Variants in HS3ST3A1 observed in about 807,000 individuals in gnomAD.
The protein encoded by HS3ST3A1 is heparan sulfate glucosamine 3-O-sulfotransferase 3A1.
Under a neutral mutation model 25.7 loss-of-function variants are expected in HS3ST3A1, and 19 were observed. The ratio of observed to expected loss-of-function variants is 0.74; its 90% CI spans 0.52 to 1.08. The LOEUF (loss-of-function observed/expected upper bound fraction) is 1.08. HS3ST3A1 is among the 50% of genes least tolerant of loss of function. The probability of loss-of-function intolerance (pLI) is 0.00; values close to 1 mark genes in which losing one functional copy is unlikely to be tolerated. For missense variants in HS3ST3A1, 459 were observed against 594.3 expected (o/e 0.77, Z 2.37); for synonymous variants, 226 against 278.6 (o/e 0.81, Z 1.88).
intron 1 of HS3ST3A1, among the ~76,000 whole-genome samples, chr17:13,513,188 G>A (rs1012793787): frequency 5.3e-5 from 8 of 152,142 alleles, no homozygotes; most frequent in African/African-American, 1.9e-4. Flanking sequence ...AAAAAGCCTG[G>A]GGCTGTCAGG....
chr17:13,536,410 C>A (rs77809549), intron 1 of HS3ST3A1, among the ~76,000 whole-genome samples: 2 of 152,148 alleles, frequency 1.3e-5, no homozygotes, highest in South Asian at 2.1e-4. Context: ...TATAAGTTTT[C>A]TTTTGCTCTA....
At position 13,496,026 on chromosome 17, in the gene HS3ST3A1, T is replaced by G; in HGVS notation, c.*171A>C. 1 of 755,514 alleles carries G rather than the reference T, an allele frequency of 1.3e-6. No individual in the cohort carries two copies. The highest frequency in any genetic ancestry group is 2.0e-6 in the Non-Finnish European group (1 of 504,458). 46.8% of individuals were successfully genotyped at this position (755,514 alleles called of 1,614,324 possible). On this transcript the variant is annotated 3_prime_UTR_variant, in exon 2 of 2. Transcript: ENST00000284110. ...TTTCCTTTTCTGTTGATCCACGTGT[T>G]TGGTGTTGGTTATACATTAAGATGG...
rs574721336 is a variant in HS3ST3A1 at position 13,526,368 on chromosome 17, C to T, written c.600-29550G>A. On this transcript the variant is annotated intron_variant, in intron 1 of 1. Transcript: ENST00000284110. ...TTTCCGTTACTGACAGTGCTTTTTC[C>T]TTCTTGCTACTATTTCTTTGGCCAT... is the stretch of plus-strand genomic sequence containing the variant. 4.0e-5 allele frequency among the ~76,000 whole-genome samples: 6 copies of T among 150,470 alleles called. No individual in the cohort carries two copies. In the East Asian group the frequency reaches 1.2e-3, roughly 30 times the overall value.
intron 1 of HS3ST3A1, among the ~76,000 whole-genome samples, chr17:13,525,267 A>T (rs1048390733): frequency 1.1e-4 from 16 of 152,156 alleles, no homozygotes; most frequent in African/African-American, 3.1e-4. Flanking sequence ...AACTTTCTTT[A>T]TACCTTAACC....
chr17:13,520,871 C>G (rs1331304115), intron 1 of HS3ST3A1, among the ~76,000 whole-genome samples: 1 of 152,160 alleles, frequency 6.6e-6, no homozygotes, highest in Non-Finnish European at 1.5e-5. Context: ...CTCGACCTCC[C>G]AAAGTGGTGG....
chr17:13,600,466 TCCA>T, intron 1 of HS3ST3A1, 62 bp downstream of exon 1: 1 of 1,479,666 alleles, frequency 6.8e-7, no homozygotes, highest in South Asian at 1.3e-5. Flanking sequence ...CGAGGGCTCC[TCCA>T]CGTCTTTCCC....
intron 1 of HS3ST3A1, among the ~76,000 whole-genome samples, chr17:13,581,903 G>T (rs1038574399): frequency 6.6e-6 from 1 of 152,048 alleles, no homozygotes; most frequent in Non-Finnish European, 1.5e-5. Context: ...CCAGGGGGTC[G>T]CCCTTTAACT....
intron 1 of HS3ST3A1, among the ~76,000 whole-genome samples, chr17:13,519,448 T>A (rs927911333): frequency 7.9e-5 from 12 of 152,290 alleles, no homozygotes; most frequent in Admixed American, 2.6e-4. Context: ...ATAATGATTA[T>A]GTCTATTTTG....
At chr17:13,511,024 G>C (rs1905843313) in intron 1 of HS3ST3A1, among the ~76,000 whole-genome samples, 1 of 152,182 alleles carries the variant, frequency 6.6e-6, no homozygotes, top group Non-Finnish European at 1.5e-5. Flanking sequence ...CTTTGGGAAA[G>C]CCATCCCGGA....
Position 13,506,794 on chromosome 17 carries a change from C to T in HS3ST3A1, c.600-9976G>A, listed in dbSNP as rs146805958. ...TCAGGAGGCCGGGAGCGGTGGCTCA[C>T]GCCTGTAATCCCAGCACTTTGGGAG... On this transcript the variant is annotated intron_variant, in intron 1 of 1. Transcript: ENST00000284110. 5.7e-4 allele frequency among the ~76,000 whole-genome samples: 86 copies of T among 151,972 alleles called. No homozygotes were observed. In the East Asian group the frequency reaches 0.015, roughly 26 times the overall value.
intron 1 of HS3ST3A1, among the ~76,000 whole-genome samples, chr17:13,569,595 C>A (rs1907754008): frequency 6.6e-6 from 1 of 152,176 alleles, no homozygotes; most frequent in Non-Finnish European, 1.5e-5. Context: ...CAGTGTCCCC[C>A]AGCCATGCCC....
At chr17:13,591,925 G>T (rs1335124236) in intron 1 of HS3ST3A1, among the ~76,000 whole-genome samples, 1 of 152,138 alleles carries the variant, frequency 6.6e-6, no homozygotes, top group East Asian at 1.9e-4. Flanking sequence ...CTCCCAAAGT[G>T]CCGGGATTCC....
chr17:13,577,799 G>T (rs1294480879), intron 1 of HS3ST3A1, among the ~76,000 whole-genome samples: 2 of 152,150 alleles, frequency 1.3e-5, no homozygotes, highest in African/African-American at 4.8e-5. Context: ...TTTGCATCAA[G>T]TTCAGGCCCC....
rs1906662997 is a variant in HS3ST3A1, at chr17:13,533,209, C to T, written c.600-36391G>A. On this transcript the variant is annotated intron_variant, in intron 1 of 1. Coordinates refer to ENST00000284110, the MANE Select transcript of HS3ST3A1 (RefSeq NM_006042.3). ...AAGTTAGGCTTTCACATTTGCTTAC[C>T]AACCTTGTAAATGGCATGCACTGCT... Among the ~76,000 whole-genome samples, 3 of 151,966 alleles carry T rather than the reference C, an allele frequency of 2.0e-5. No individual in the cohort carries two copies. The South Asian group carries it at 6.2e-4, about 32-fold the overall frequency.
intron 1 of HS3ST3A1, among the ~76,000 whole-genome samples, chr17:13,512,055 G>C (rs1905879554): frequency 6.6e-6 from 1 of 152,146 alleles, no homozygotes; most frequent in Non-Finnish European, 1.5e-5. Context: ...GCCAACACCA[G>C]CTAGTTTTTT....
chr17:13,601,283 C>A lies in HS3ST3A1; in HGVS notation c.-154G>T, dbSNP rs1431277826. ...TGCGAACTGTCCCGGGAGGCAGCGG[C>A]CGGGGCTCCGCGGGGAAACGGAATC... On this transcript the variant is annotated 5_prime_UTR_variant, in exon 1 of 2. Transcript: ENST00000284110. 1.8e-6 allele frequency: 1 copy of A among 559,938 alleles called. No individual in the cohort carries two copies. The highest frequency in any genetic ancestry group is 3.5e-5 in the East Asian group (1 of 28,720). The allele number at this position is 559,938 out of a possible 1,614,324, so 34.7% of individuals were successfully genotyped here. A position where few individuals can be genotyped will look rare whatever the true frequency, so the allele number is the denominator to read the frequency against.
intron 1 of HS3ST3A1, among the ~76,000 whole-genome samples, chr17:13,558,039 G>A (rs757436378): frequency 1.3e-5 from 2 of 152,128 alleles, no homozygotes; most frequent in East Asian, 3.9e-4. Flanking sequence ...AGCAGATTCC[G>A]CAGAAATCTG....
At chr17:13,514,755 G>T (rs1340991700) in intron 1 of HS3ST3A1, among the ~76,000 whole-genome samples, 1 of 152,176 alleles carries the variant, frequency 6.6e-6, no homozygotes, top group African/African-American at 2.4e-5. Flanking sequence ...GTGATAGCAT[G>T]AGATTAAAGT....
chr17:13,579,701 CAAAAA>C (rs543748713), intron 1 of HS3ST3A1, among the ~76,000 whole-genome samples: 4 of 23,656 alleles, frequency 1.7e-4, no homozygotes, highest in Non-Finnish European at 3.2e-4. Context: ...ACTCCATCTC[CAAAAA>C]AAAAAAAAAA....
Sources: allele counts gnomAD v4.1 joint callset (sites outside exome capture counted in the v4.1 genomes callset), GRCh38; gene constraint gnomAD v4.1.1; transcripts MANE v1.5; gene names NCBI Gene and HGNC (gene_info 2026-07-23, HGNC 2026-07-21).